Variants in KCTD8 observed in about 807,000 individuals in gnomAD.
The protein encoded by KCTD8 is potassium channel tetramerization domain containing 8, also known as BTB/POZ domain-containing protein KCTD8.
In KCTD8, 27 loss-of-function variants were observed where a neutral mutation model predicts 31.5. The observed-to-expected ratio is 0.86, with a 90% CI of 0.63 to 1.18. The LOEUF (loss-of-function observed/expected upper bound fraction) is 1.18. Ranked by LOEUF, KCTD8 falls within the 50% of genes most tolerant of loss-of-function variation. The pLI is 0.00. For missense variants in KCTD8, 658 were observed against 647.7 expected (o/e 1.02, Z -0.17); for synonymous variants, 290 against 280.0 (o/e 1.04, Z -0.36).
intron 1 of KCTD8, among the ~76,000 whole-genome samples, chr4:44,264,582 G>A (rs1038846625): frequency 6.6e-6 from 1 of 152,204 alleles, no homozygotes; most frequent in Non-Finnish European, 1.5e-5. Flanking sequence ...GCAAGGCGAG[G>A]CATTGCCTCA....
chr4:44,271,188 T>C (rs888693039), intron 1 of KCTD8, among the ~76,000 whole-genome samples: 11 of 152,108 alleles, frequency 7.2e-5, no homozygotes, highest in African/African-American at 1.9e-4. Context: ...TATATTACAG[T>C]GTTATTTCCT....
chr4:44,347,356 A>G (rs1030840518), intron 1 of KCTD8, among the ~76,000 whole-genome samples: 3 of 152,190 alleles, frequency 2.0e-5, no homozygotes, highest in African/African-American at 7.2e-5. Flanking sequence ...CCAATGTGGC[A>G]CAAAACAGAC....
chr4:44,388,575 GT>G (rs1182653178), intron 1 of KCTD8, among the ~76,000 whole-genome samples: 7 of 151,816 alleles, frequency 4.6e-5, no homozygotes, highest in Middle Eastern at 6.8e-3. Flanking sequence ...GGAGCTGAAG[GT>G]CATTATCCTT....
At chr4:44,306,744 C>A (rs1055819080) in intron 1 of KCTD8, among the ~76,000 whole-genome samples, 1 of 151,918 alleles carries the variant, frequency 6.6e-6, no homozygotes. Flanking sequence ...TGCCATCTGA[C>A]AGAACTAAGG....
At chr4:44,351,443 ATAT>A (rs1200739318) in intron 1 of KCTD8, among the ~76,000 whole-genome samples, 24 of 152,134 alleles carry the variant, frequency 1.6e-4, no homozygotes, top group Non-Finnish European at 1.0e-4. Flanking sequence ...TTAGATTTCC[ATAT>A]CATTTTGGCC....
At chr4:44,304,171 TC>T (rs925839370) in intron 1 of KCTD8, among the ~76,000 whole-genome samples, 5 of 152,016 alleles carry the variant, frequency 3.3e-5, no homozygotes, top group African/African-American at 1.2e-4. Flanking sequence ...TACTCCATTT[TC>T]CCCATCAAAG....
chr4:44,216,693 A>C (rs1360883234), intron 1 of KCTD8, among the ~76,000 whole-genome samples: 1 of 152,172 alleles, frequency 6.6e-6, no homozygotes, highest in African/African-American at 2.4e-5. Context: ...AGAATATCAA[A>C]AGAAAAAAAA....
chr4:44,411,292 C>T (rs375653268), intron 1 of KCTD8, among the ~76,000 whole-genome samples: 18 of 147,110 alleles, frequency 1.2e-4, no homozygotes, highest in Middle Eastern at 3.5e-3. Context: ...GTGGGAGAAA[C>T]GACTGATCCC....
chr4:44,323,185 A>T (rs1718343676), intron 1 of KCTD8, among the ~76,000 whole-genome samples: 1 of 151,922 alleles, frequency 6.6e-6, no homozygotes, highest in African/African-American at 2.4e-5. Context: ...GGTAGCATGA[A>T]TATTTTATTT....
In KCTD8 at chr4:44,399,684, T is replaced by C. The variant is rs1325391258; in HGVS notation, c.961+47879A>G. Among the ~76,000 whole-genome samples, 3 of 152,300 alleles carry C rather than the reference T, an allele frequency of 2.0e-5. No individual in the cohort carries two copies. The South Asian group carries it at 6.2e-4, about 32-fold the overall frequency. On this transcript the variant is annotated intron_variant, in intron 1 of 1. Transcript: ENST00000360029. ...TTGAGAAAGTAAAAATGGGAGACCA[T>C]ATTCTTTTAAACATCACAGTCTCCC...
chr4:44,424,789 G>C (rs1033286535), intron 1 of KCTD8, among the ~76,000 whole-genome samples: 1 of 151,942 alleles, frequency 6.6e-6, no homozygotes, highest in Non-Finnish European at 1.5e-5. Flanking sequence ...TATCTACCAG[G>C]AACATTTGCT....
At chr4:44,369,152 T>A (rs1577640022) in intron 1 of KCTD8, among the ~76,000 whole-genome samples, 1 of 152,180 alleles carries the variant, frequency 6.6e-6, no homozygotes, top group Non-Finnish European at 1.5e-5. Flanking sequence ...TACACTGGAA[T>A]GAGAATGGAT....
At chr4:44,367,227 T>G (rs1050705412) in intron 1 of KCTD8, among the ~76,000 whole-genome samples, 1 of 152,122 alleles carries the variant, frequency 6.6e-6, no homozygotes, top group African/African-American at 2.4e-5. Context: ...CCTCCCTTAC[T>G]AGTAGAAATC....
intron 1 of KCTD8, among the ~76,000 whole-genome samples, chr4:44,212,447 A>C (rs2109344088): frequency 6.6e-6 from 1 of 152,262 alleles, no homozygotes. Context: ...TACATATTTG[A>C]GTTCCATAGT....
chr4:44,184,354 A>G (rs1448684202), intron 1 of KCTD8, among the ~76,000 whole-genome samples: 1 of 152,230 alleles, frequency 6.6e-6, no homozygotes, highest in East Asian at 1.9e-4. Context: ...GTGAGGAAAA[A>G]TTGAACTCAT....
chr4:44,320,731 C>A (rs1361098807), intron 1 of KCTD8, among the ~76,000 whole-genome samples: 1 of 149,506 alleles, frequency 6.7e-6, no homozygotes, highest in Non-Finnish European at 1.5e-5. Flanking sequence ...GAAAACAATG[C>A]TAATGAACAT....
At position 44,268,730 on chromosome 4, in the gene KCTD8, A is replaced by G. The variant is rs977789970; in HGVS notation, c.962-93480T>C. ...ACAAAACCAATGTACAAAAATCACA[A>G]ACGTTCTTATACACCAATAACAGAC... On this transcript the variant is annotated intron_variant, in intron 1 of 1. Coordinates refer to ENST00000360029, the MANE Select transcript of KCTD8 (RefSeq NM_198353.3). 3.4e-4 allele frequency among the ~76,000 whole-genome samples: 52 copies of G among 152,290 alleles called. No homozygotes were observed. In the Middle Eastern group the frequency reaches 0.014, roughly 40 times the overall value.
chr4:44,194,125 C>T lies in KCTD8; in HGVS notation c.962-18875G>A, dbSNP rs562438929. Among the ~76,000 whole-genome samples, 7 of 152,030 alleles carry T rather than the reference C, an allele frequency of 4.6e-5. No homozygotes were observed. In the East Asian group the frequency reaches 1.2e-3, roughly 25 times the overall value. The stretch of plus-strand genomic sequence containing the variant: ...ATGAGAAGATACATTTAAGACCAAA[C>T]TTTTCAATGATATGCAGCACATGAT... On this transcript the variant is annotated intron_variant, in intron 1 of 1. Transcript: ENST00000360029.
intron 1 of KCTD8, among the ~76,000 whole-genome samples, chr4:44,344,624 T>C (rs1289734048): frequency 6.6e-6 from 1 of 152,178 alleles, no homozygotes; most frequent in Non-Finnish European, 1.5e-5. Flanking sequence ...CTCTCCTTTG[T>C]TATTTGCTAC....
Sources: allele counts gnomAD v4.1 joint callset (sites outside exome capture counted in the v4.1 genomes callset), GRCh38; gene constraint gnomAD v4.1.1; transcripts MANE v1.5; gene names NCBI Gene and HGNC (gene_info 2026-07-23, HGNC 2026-07-21).